BBX: variants seen among roughly 807,000 people sequenced by gnomAD.
BBX encodes BBX high mobility group box domain containing.
BBX carries 30 observed loss-of-function variants against 100.2 expected under a neutral mutation model. The ratio of observed to expected loss-of-function variants is 0.30; its 90% CI spans 0.22 to 0.41. The LOEUF is 0.41. BBX is among the 10% of genes least tolerant of loss of function. The pLI is 1.00. For synonymous variants in BBX, 376 were observed against 388.1 expected, an observed-to-expected ratio of 0.97 and a Z score of 0.37; for missense variants, 1,023 against 1,129.8, an observed-to-expected ratio of 0.91 and a Z score of 1.35.
At chr3:107,531,745 T>C (rs12634580) in intron 2 of BBX, among the ~76,000 whole-genome samples, 1 of 152,026 alleles carries the variant, frequency 6.6e-6, no homozygotes, top group Non-Finnish European at 1.5e-5. Flanking sequence ...TAAAGTACAG[T>C]CCTCCTTCAG....
intron 10 of BBX, among the ~76,000 whole-genome samples, chr3:107,760,153 G>A (rs1156957625): frequency 6.6e-6 from 1 of 152,182 alleles, no homozygotes; most frequent in East Asian, 1.9e-4. Flanking sequence ...GCCTACACAG[G>A]AACCCAGGCA....
At position 107,696,119 on chromosome 3, in the gene BBX, T is replaced by C. The variant is rs368506348; in HGVS notation, c.-9-14333T>C. ...GCCCGTGAGATGGGTTTCCTGAATA[T>C]AGCACACTGATGGGTCTTGACTCTT... On this transcript the variant is annotated intron_variant, in intron 3 of 17. Transcript: ENST00000325805. Among the ~76,000 whole-genome samples the C allele has an allele frequency of 5.0e-4, 76 of 151,876 alleles. 1 individual carries two copies. Among genetic ancestry groups the C allele is most frequent in the African/African-American group, 1.6e-3 (64 of 41,142 alleles).
intron 2 of BBX, among the ~76,000 whole-genome samples, chr3:107,605,052 G>A (rs1024215939): frequency 6.6e-6 from 1 of 152,164 alleles, no homozygotes; most frequent in African/African-American, 2.4e-5. Flanking sequence ...TCAGTACTCG[G>A]TGAGATGCCT....
chr3:107,789,300 T>C (rs62263964), intron 13 of BBX, among the ~76,000 whole-genome samples: 16,023 of 152,284 alleles, frequency 0.11, 1,062 homozygotes, highest in Middle Eastern at 0.16. Context: ...TCATTTTTTC[T>C]TCTTAGATTA....
At chr3:107,734,505 C>G (rs564461722) in intron 7 of BBX, among the ~76,000 whole-genome samples, 1 of 152,316 alleles carries the variant, frequency 6.6e-6, no homozygotes, top group East Asian at 1.9e-4. Context: ...TGTAGAGTAT[C>G]CCAAGCGTGT....
intron 4 of BBX, chr3:107,711,311 G>T (rs1357135216): frequency 4.2e-6 from 2 of 471,132 alleles, no homozygotes; most frequent in Admixed American, 2.3e-5. Flanking sequence ...CAGGGGCCTT[G>T]CCTGTCTCGT....
chr3:107,559,976 T>G (rs2107468924), intron 2 of BBX, among the ~76,000 whole-genome samples: 1 of 152,244 alleles, frequency 6.6e-6, no homozygotes, highest in Middle Eastern at 3.4e-3. Flanking sequence ...ACTTCTGGGC[T>G]CAAGCAATCC....
intron 4 of BBX, among the ~76,000 whole-genome samples, chr3:107,713,954 T>A (rs902618481): frequency 1.1e-4 from 16 of 149,146 alleles, no homozygotes; most frequent in East Asian, 3.9e-4. Flanking sequence ...TTAATTTTTT[T>A]AATAATTTTT....
At chr3:107,775,500 A>G (rs963069972) in intron 12 of BBX, among the ~76,000 whole-genome samples, 1 of 152,188 alleles carries the variant, frequency 6.6e-6, no homozygotes, top group East Asian at 1.9e-4. Flanking sequence ...GTTAGTTAGG[A>G]GATCCAATAC....
At chr3:107,679,701 C>A (rs1181875339) in intron 3 of BBX, among the ~76,000 whole-genome samples, 2 of 152,058 alleles carry the variant, frequency 1.3e-5, no homozygotes, top group Admixed American at 1.3e-4. Context: ...ACAAACAGAA[C>A]CAGAAAGGGA....
At chr3:107,619,223 G>T (rs551476368) in intron 2 of BBX, among the ~76,000 whole-genome samples, 2 of 151,962 alleles carry the variant, frequency 1.3e-5, no homozygotes, top group East Asian at 3.9e-4. Context: ...ATTAATATTT[G>T]CATGATATAC....
rs567122726 is a variant in BBX at position 107,597,737 on chromosome 3, T to C, written c.-83-48099T>C. ...CTCCAATTTTATTCTAAACAAAGAATTGGCAAAGCCACCTGAGTGGCAAAA... is the reference window on the plus strand; with the variant it reads ...CTCCAATTTTATTCTAAACAAAGAACTGGCAAAGCCACCTGAGTGGCAAAA... On this transcript the variant is annotated intron_variant, in intron 2 of 17. Coordinates refer to ENST00000325805, the MANE Select transcript of BBX (RefSeq NM_001142568.3). 5.3e-5 allele frequency among the ~76,000 whole-genome samples: 8 copies of C among 152,344 alleles called. 1 individual carries two copies. The South Asian group carries it at 1.7e-3, about 32-fold the overall frequency.
At chr3:107,626,051 C>T (rs879393444) in intron 2 of BBX, among the ~76,000 whole-genome samples, 1 of 152,090 alleles carries the variant, frequency 6.6e-6, no homozygotes, top group African/African-American at 2.4e-5. Flanking sequence ...ATGCTTGGCA[C>T]ACAAGCTGAG....
intron 2 of BBX, among the ~76,000 whole-genome samples, chr3:107,633,564 C>T (rs1576094555): frequency 6.6e-6 from 1 of 152,268 alleles, no homozygotes; most frequent in Non-Finnish European, 1.5e-5. Context: ...TCATGGTTTC[C>T]AGCTCTCATT....
At chr3:107,673,600 A>G (rs2059132644) in intron 3 of BBX, among the ~76,000 whole-genome samples, 1 of 152,160 alleles carries the variant, frequency 6.6e-6, no homozygotes, top group African/African-American at 2.4e-5. Flanking sequence ...AATGAAAATA[A>G]TACTGATTAA....
intron 6 of BBX, among the ~76,000 whole-genome samples, 186 bp downstream of exon 6, chr3:107,729,146 A>G (rs2063155696): frequency 6.6e-6 from 1 of 152,194 alleles, no homozygotes; most frequent in Non-Finnish European, 1.5e-5. Context: ...AAAAAAGGAT[A>G]TATGGCCTCA....
chr3:107,695,828 T>G (rs374905676), intron 3 of BBX, among the ~76,000 whole-genome samples: 1 of 151,616 alleles, frequency 6.6e-6, no homozygotes, highest in Non-Finnish European at 1.5e-5. Context: ...TGTGTGGGAG[T>G]CTAAGTCTCT....
chr3:107,538,835 G>T (rs1320566996), intron 2 of BBX, among the ~76,000 whole-genome samples: 2 of 151,856 alleles, frequency 1.3e-5, no homozygotes, highest in South Asian at 4.2e-4. Context: ...CCCCAGCTAG[G>T]GTGCAGTGGT....
At chr3:107,631,653 A>G (rs749923616) in intron 2 of BBX, among the ~76,000 whole-genome samples, 19 of 152,064 alleles carry the variant, frequency 1.2e-4, no homozygotes, top group South Asian at 4.1e-4. Flanking sequence ...ACCTAGAAAT[A>G]TATTACCAGT....
Sources: gnomAD v4.1 joint callset for allele counts (sites outside exome capture counted in the v4.1 genomes callset) on GRCh38, gnomAD v4.1.1 for gene constraint, MANE v1.5 for transcripts, NCBI Gene and HGNC (gene_info 2026-07-23, HGNC 2026-07-21) for gene names.